The following MMP26 variants were observed in gnomAD, a reference collection of about 807,000 sequenced individuals.
MMP26 encodes the protein matrix metalloproteinase-26.
A neutral mutation model predicts 31.0 loss-of-function variants in MMP26; 33 were observed. That is an observed-to-expected ratio of 1.06 (90% CI 0.81 to 1.42). MMP26 has a LOEUF of 1.42. Ranked by LOEUF, MMP26 falls within the 40% of genes most tolerant of loss-of-function variation. The pLI is 0.00. For synonymous variants in MMP26, 122 were observed against 114.9 expected (o/e 1.06, Z -0.40); for missense variants, 347 against 316.1 (o/e 1.10, Z -0.74).
intron 2 of MMP26, among the ~76,000 whole-genome samples, chr11:4,909,843 T>A (rs1850962632): frequency 6.6e-6 from 1 of 152,152 alleles, no homozygotes; most frequent in African/African-American, 2.4e-5. Flanking sequence ...GCCTTTTCCA[T>A]CATTCAGTAC....
At chr11:4,975,150 G>A (rs1374899842) in intron 2 of MMP26, among the ~76,000 whole-genome samples, 1 of 151,906 alleles carries the variant, frequency 6.6e-6, no homozygotes, top group Non-Finnish European at 1.5e-5. Flanking sequence ...AGGACGTTCT[G>A]GATTTAATAA....
At chr11:4,897,193 G>A (rs1171667412) in intron 2 of MMP26, among the ~76,000 whole-genome samples, 2 of 152,042 alleles carry the variant, frequency 1.3e-5, no homozygotes, top group Non-Finnish European at 2.9e-5. Flanking sequence ...CGGCTGGAGT[G>A]CAGCGGCAGG....
chr11:4,706,131 G>T (rs1387877222), intron 1 of MMP26, among the ~76,000 whole-genome samples: 1 of 152,150 alleles, frequency 6.6e-6, no homozygotes, highest in Admixed American at 6.5e-5. Flanking sequence ...CAGATTCAGT[G>T]AAGTAAATTG....
intron 2 of MMP26, among the ~76,000 whole-genome samples, chr11:4,838,997 G>A (rs1589916132): frequency 1.3e-5 from 2 of 152,116 alleles, no homozygotes; most frequent in East Asian, 3.9e-4. Context: ...GCTTGGAGAG[G>A]GGAGAGCAGA....
At chr11:4,804,800 A>AAAAAC (rs1181631263) in intron 2 of MMP26, among the ~76,000 whole-genome samples, 11 of 140,250 alleles carry the variant, frequency 7.8e-5, no homozygotes, top group Middle Eastern at 3.7e-3. Context: ...CAAAAACAAA[A>AAAAAC]CAAAACAAAA....
chr11:4,769,462 T>G, intron 2 of MMP26: 1 of 1,613,318 alleles, frequency 6.2e-7, no homozygotes, highest in Non-Finnish European at 8.5e-7. Flanking sequence ...CTATAGCACG[T>G]GTAATCATCA....
intron 2 of MMP26, among the ~76,000 whole-genome samples, chr11:4,975,171 GCAAA>G (rs1564817810): frequency 2.6e-5 from 4 of 152,068 alleles, no homozygotes; most frequent in South Asian, 2.1e-4. Context: ...GAAATTACAT[GCAAA>G]CAAACAAACA....
chr11:4,915,576 T>C (rs778526423), intron 2 of MMP26: 1 of 1,614,076 alleles, frequency 6.2e-7, no homozygotes, highest in South Asian at 1.1e-5. Flanking sequence ...GAGATCCAGA[T>C]GTGCATGCGC....
At chr11:4,830,497 T>G (rs1849631759) in intron 2 of MMP26, among the ~76,000 whole-genome samples, 1 of 152,170 alleles carries the variant, frequency 6.6e-6, no homozygotes, top group Admixed American at 6.5e-5. Flanking sequence ...ATGTTGCCAA[T>G]AGTAACTCAT....
At chr11:4,981,475 A>G (rs1226887316) in intron 2 of MMP26, among the ~76,000 whole-genome samples, 1 of 152,152 alleles carries the variant, frequency 6.6e-6, no homozygotes, top group African/African-American at 2.4e-5. Context: ...TAAATAATGT[A>G]TGGTAAAAAC....
chr11:4,780,136 A>G (rs1009423304), intron 2 of MMP26, among the ~76,000 whole-genome samples: 9 of 152,260 alleles, frequency 5.9e-5, no homozygotes, highest in Admixed American at 1.3e-4. Flanking sequence ...TTGAATTACT[A>G]CAAATATTGT....
chr11:4,939,142 G>A (rs1846172315), intron 2 of MMP26, among the ~76,000 whole-genome samples: 1 of 151,994 alleles, frequency 6.6e-6, no homozygotes, highest in African/African-American at 2.4e-5. Flanking sequence ...TTTATTATTT[G>A]ATGTCTATCT....
intron 2 of MMP26, among the ~76,000 whole-genome samples, chr11:4,930,118 A>G (rs1315141049): frequency 6.6e-6 from 1 of 152,064 alleles, no homozygotes; most frequent in Non-Finnish European, 1.5e-5. Context: ...TGTGGCAAAG[A>G]TTATATTAAT....
intron 2 of MMP26, among the ~76,000 whole-genome samples, chr11:4,977,289 A>G (rs1395476277): frequency 6.6e-6 from 1 of 152,176 alleles, no homozygotes; most frequent in East Asian, 1.9e-4. Context: ...ACTAGTGGAA[A>G]GAGAAATTAA....
intron 2 of MMP26, among the ~76,000 whole-genome samples, chr11:4,960,530 T>C (rs1846507286): frequency 7.4e-6 from 1 of 134,618 alleles, no homozygotes. Flanking sequence ...GTGGGTCTAT[T>C]ATCTGCTAAA....
chr11:4,794,608 CTT>C (rs1168743345), intron 2 of MMP26, among the ~76,000 whole-genome samples: 4 of 152,110 alleles, frequency 2.6e-5, no homozygotes, highest in Non-Finnish European at 5.9e-5. Flanking sequence ...CTCAGGGACT[CTT>C]TAGGTATTTG....
chr11:4,862,904 G>A (rs973917967), intron 2 of MMP26, among the ~76,000 whole-genome samples: 2 of 152,120 alleles, frequency 1.3e-5, no homozygotes, highest in African/African-American at 4.8e-5. Context: ...AAAGCACTTT[G>A]TGATGCCTGC....
Position 4,724,876 on chromosome 11 carries a change from A to G in MMP26, c.-217+19831A>G, listed in dbSNP as rs187007459. ...ATACACAATTCACTAAAGAATTAAA[A>G]AAGTTATTATAGACTGATATGGTTT... On this transcript the variant is annotated intron_variant, in intron 1 of 7. Transcript: ENST00000380390. Among the ~76,000 whole-genome samples the G allele has an allele frequency of 5.9e-5, 9 of 152,340 alleles. 1 individual carries two copies. The highest frequency in any genetic ancestry group is 5.9e-4 in the Admixed American group (9 of 15,312).
intron 2 of MMP26, among the ~76,000 whole-genome samples, chr11:4,874,942 A>G (rs1589926111): frequency 6.6e-6 from 1 of 152,128 alleles, no homozygotes; most frequent in Non-Finnish European, 1.5e-5. Flanking sequence ...ATTTATTAGA[A>G]CAGCCACATA....
Sources: gnomAD v4.1 joint callset for allele counts (sites outside exome capture counted in the v4.1 genomes callset) on GRCh38, gnomAD v4.1.1 for gene constraint, MANE v1.5 for transcripts, NCBI Gene and HGNC (gene_info 2026-07-23, HGNC 2026-07-21) for gene names.